The following PIEZO1 variants were observed in gnomAD, a reference collection of about 807,000 sequenced individuals.
PIEZO1 encodes the protein piezo-type mechanosensitive ion channel component 1.
In PIEZO1, 296 loss-of-function variants were observed where a neutral mutation model predicts 297.2. The ratio of observed to expected loss-of-function variants is 1.00; its 90% confidence interval spans 0.91 to 1.10. The LOEUF (loss-of-function observed/expected upper bound fraction) is 1.10, where lower values mean the gene tolerates loss of function less well. Among genes scored for constraint, PIEZO1 ranks in the 50% least tolerant of loss-of-function variants. The pLI is 0.00. For missense variants in PIEZO1, 5,018 were observed against 3,455.5 expected (o/e 1.45, Z -11.34); for synonymous variants, 2,427 against 1,507.5 (o/e 1.61, Z -14.13).
intron 22 of PIEZO1, among the ~76,000 whole-genome samples, chr16:88,730,809 C>T (rs1256907529): frequency 2.0e-5 from 3 of 152,192 alleles, no homozygotes; most frequent in Non-Finnish European, 2.9e-5. Context: ...CCAGGGTCTG[C>T]GGATGACAGA....
chr16:88,738,713 A>G lies in PIEZO1; in HGVS notation c.489T>C (p.Asp163=), dbSNP rs1905431172. ...RELDDDERDV[D]ASPTAGLQEA... ...CCTGCAGCCCTGCCGTCGGGCTGGCATCCACATCCCTCTCATCATCATCCT... is the reference window on the plus strand; with the variant it reads ...CCTGCAGCCCTGCCGTCGGGCTGGCGTCCACATCCCTCTCATCATCATCCT... Residue 163 remains aspartate, a synonymous_variant, in exon 6 of 51, where the codon GAT becomes GAC. Coordinates refer to ENST00000301015, the MANE Select transcript of PIEZO1 (RefSeq NM_001142864.4). 6.5e-7 allele frequency: 1 copy of G among 1,533,260 alleles called. No homozygotes were observed. The highest frequency in any genetic ancestry group is 1.4e-5 in the African/African-American group (1 of 73,096). 95.0% of individuals were successfully genotyped at this position (1,533,260 alleles called of 1,614,324 possible).
Position 88,726,638 on chromosome 16 carries a change from C to T in PIEZO1, c.3705G>A (p.Leu1235=), listed in dbSNP as rs1344013552. ...GCATCTGCTCCACGAAGACGCAGGC[C>T]AGGAGCTGGGGGAGAGCAGGGTCAG... is the stretch of plus-strand genomic sequence containing the variant. ...VIISKNMLSL[L]ACVFVEQMQT... Residue 1235 remains leucine (L), a synonymous_variant, in exon 26 of 51, where the codon CTG becomes CTA. Transcript: ENST00000301015. The T allele has an allele frequency of 7.0e-7, 1 of 1,432,592 alleles. No homozygotes were observed. The highest frequency in any genetic ancestry group is 9.4e-7 in the Non-Finnish European group (1 of 1,063,564). The allele number at this position is 1,432,592 out of a possible 1,614,324, so 88.7% of individuals were successfully genotyped here.
Position 88,715,690 on chromosome 16 carries a change from T to A in PIEZO1, c.7481A>T (p.Glu2494Val), listed in dbSNP as rs914014470. The change falls in exon 51 of 51, where the codon GAG becomes GTG. Residue 2494 changes from glutamate to valine, a missense_variant. Coordinates refer to ENST00000301015, the MANE Select transcript of PIEZO1 (RefSeq NM_001142864.4). ...IFLVRETREL[E>V]LEEELYAKLI... ...CTTGGCGTACAACTCCTCCTCCAGC[T>A]CCAGCTCCCGAGTCTCCCGCACCAG... is the stretch of plus-strand genomic sequence containing the variant. 3.9e-6 allele frequency: 6 copies of A among 1,550,242 alleles called. No individual in the cohort carries two copies. The highest frequency in any genetic ancestry group is 5.2e-6 in the Non-Finnish European group (6 of 1,146,962).
chr16:88,727,908 G>A (rs1452189409), intron 22 of PIEZO1: 2 of 332,422 alleles, frequency 6.0e-6, no homozygotes, highest in Non-Finnish European at 1.1e-5. Flanking sequence ...GCACGGGGGT[G>A]GGGGCTGCTG....
chr16:88,723,133 TC>T lies in PIEZO1; in HGVS notation c.4456del (p.Glu1486ArgfsTer23). 6.5e-7 allele frequency: 1 copy of T among 1,549,070 alleles called. No individual in the cohort carries two copies. Among genetic ancestry groups the T allele is most frequent in the East Asian group, 2.4e-5 (1 of 40,904 alleles). ...CTCGGGGCCCTCTGCTGGCTCCACC[TC>T]CTGGCTGGGACCACCTCCTGGGCAC... is the stretch of plus-strand genomic sequence containing the variant. Reference protein sequence around the residue: ...QLPTGGGPSQEVEPAEGPEEA... With the variant: ...QLPTGGGPSQXVEPAEGPEEA... On this transcript the variant is annotated frameshift_variant, in exon 33 of 51. Transcript: ENST00000301015. LOFTEE classifies it high-confidence loss of function.
intron 1 of PIEZO1, among the ~76,000 whole-genome samples, chr16:88,753,129 G>A (rs1376373050): frequency 1.6e-5 from 1 of 63,888 alleles, no homozygotes; most frequent in Non-Finnish European, 2.8e-5. Context: ...CTCACCCCCG[G>A]AGCACCCCTG....
chr16:88,773,695 G>A (rs1349115196), intron 1 of PIEZO1, among the ~76,000 whole-genome samples: 5 of 151,986 alleles, frequency 3.3e-5, no homozygotes, highest in African/African-American at 9.7e-5. Context: ...GTGACAGGCA[G>A]GTCGGGGGAG....
rs779750903 is a variant in PIEZO1 at position 88,722,881 on chromosome 16, C to T, written c.4624G>A (p.Val1542Met). Residue 1542 changes from valine to methionine, a missense_variant, in exon 34 of 51, where the codon GTG becomes ATG. Coordinates refer to ENST00000301015, the MANE Select transcript of PIEZO1 (RefSeq NM_001142864.4). Reference sequence around the variant, plus strand: ...AGGAGGTAGCGCTCTGCCCGCAGCACGTCGCTCATGGTGCCGTGGTGCCGG... The same window carrying T: ...AGGAGGTAGCGCTCTGCCCGCAGCATGTCGCTCATGGTGCCGTGGTGCCGG... ...FTRHHGTMSD[V>M]LRAERYLLTQ... is the part of the protein sequence containing the mutation. 22 of 1,548,650 alleles carry T rather than the reference C, an allele frequency of 1.4e-5. No homozygotes were observed. The highest frequency in any genetic ancestry group is 1.7e-4 in the Middle Eastern group (1 of 5,938).
Position 88,735,152 on chromosome 16 carries a change from ACCT to A in PIEZO1, c.1649_1651del (p.Glu550del). 3 of 1,550,026 alleles carry A rather than the reference ACCT, an allele frequency of 1.9e-6. No homozygotes were observed. The highest frequency in any genetic ancestry group is 2.6e-6 in the Non-Finnish European group (3 of 1,146,820). ...CCACTCACCTGTGTCTGCCACGGTG[ACCT>A]CCGTCAGCGCAGCTGGAGACTCTGC... On this transcript the variant is annotated inframe_deletion, in exon 13 of 51. Coordinates refer to ENST00000301015, the MANE Select transcript of PIEZO1 (RefSeq NM_001142864.4).
At chr16:88,761,517 T>C (rs1906930734) in intron 1 of PIEZO1, among the ~76,000 whole-genome samples, 1 of 152,138 alleles carries the variant, frequency 6.6e-6, no homozygotes, top group Admixed American at 6.5e-5. Flanking sequence ...ACCATGGCAA[T>C]GGTTGTGCTT....
intron 22 of PIEZO1, 52 bp downstream of exon 22, chr16:88,731,654 G>T: frequency 1.4e-6 from 2 of 1,419,858 alleles, no homozygotes; most frequent in Non-Finnish European, 1.9e-6. Context: ...CACCCCCACG[G>T]GCATCCACAA....
rs1271837723 is a variant in PIEZO1, at chr16:88,737,993, G to T, written c.961C>A (p.Leu321Met). 1 of 1,535,266 alleles carries T rather than the reference G, an allele frequency of 6.5e-7. No individual in the cohort carries two copies. The highest frequency in any genetic ancestry group is 1.4e-5 in the African/African-American group (1 of 73,178). ...PVYASPGVLL[L>M]LCYATASLRK... ...AGAGAGGCCGTGGCGTAGCACAGCA[G>T]CAGGAGGACGCCGGGGCTGGCATAC... The change falls in exon 8 of 51, where the codon CTG becomes ATG. Residue 321 changes from leucine (L) to methionine (M), a missense_variant. Physicochemically the swap from Leu to Met is conservative, Grantham distance 15. Coordinates refer to ENST00000301015, the MANE Select transcript of PIEZO1 (RefSeq NM_001142864.4).
chr16:88,755,597 C>T (rs1465379685), intron 1 of PIEZO1, among the ~76,000 whole-genome samples: 6 of 152,240 alleles, frequency 3.9e-5, no homozygotes, highest in South Asian at 2.1e-4. Context: ...AGTAAATAGG[C>T]GGGTACCAAC....
At position 88,736,301 on chromosome 16, in the gene PIEZO1, G is replaced by C; in HGVS notation, c.1404C>G (p.Pro468=). 22 of 1,550,234 alleles carry C rather than the reference G, an allele frequency of 1.4e-5. No individual in the cohort carries two copies. The highest frequency in any genetic ancestry group is 1.9e-5 in the Non-Finnish European group (22 of 1,146,858). The part of the protein sequence containing the change: ...SRHQLAMLCS[P]CILLYGMTLC... ...GCGTCATCCCATACAGCAGGATGCAGGGCGAGCACAGCATGGCCAGTTGGT... is the reference window on the plus strand; with the variant it reads ...GCGTCATCCCATACAGCAGGATGCACGGCGAGCACAGCATGGCCAGTTGGT... The change falls in exon 12 of 51, where the codon CCC becomes CCG. Residue 468 remains proline (P), a synonymous_variant. Transcript: ENST00000301015.
chr16:88,731,565 T>G, intron 22 of PIEZO1, 141 bp downstream of exon 22: 1 of 598,374 alleles, frequency 1.7e-6, no homozygotes, highest in Non-Finnish European at 2.9e-6. Context: ...CTGGGTAGGA[T>G]GTGGAGCAGA....
At chr16:88,743,255 C>T (rs554576318) in intron 2 of PIEZO1, 37 of 456,552 alleles carry the variant, frequency 8.1e-5, no homozygotes, top group South Asian at 5.3e-4. Context: ...CTGCTCTCGG[C>T]GCACATGTGG....
chr16:88,720,079 C>T lies in PIEZO1; in HGVS notation c.6154G>A (p.Val2052Ile), dbSNP rs564395221. Residue 2052 changes from valine (V) to isoleucine (I), a missense_variant, in exon 42 of 51, where the codon GTC (valine) becomes ATC (isoleucine). Transcript: ENST00000301015. Reference protein sequence around the residue: ...HLWMFFILPAVTERMFNQNVV... With the variant: ...HLWMFFILPAITERMFNQNVV... ...CACGCGTGGGCCCACCTCTCAGTGA[C>T]GGCGGGCAGGATGAAGAACATCCAT... 299 of 1,550,242 alleles carry T rather than the reference C, an allele frequency of 1.9e-4. No individual in the cohort carries two copies. Among genetic ancestry groups the T allele is most frequent in the Admixed American group, 8.4e-4 (43 of 51,006 alleles).
At chr16:88,745,666 T>C (rs905451209) in intron 2 of PIEZO1, 2 of 148,316 alleles carry the variant, frequency 1.3e-5, no homozygotes, top group Middle Eastern at 7.0e-3. Context: ...TCACTTTCAC[T>C]TAAACCCAGG....
rs1904294049 is a variant in PIEZO1, at chr16:88,723,076, C to G, written c.4495+19G>C. 1.9e-6 allele frequency: 3 copies of G among 1,546,644 alleles called. No individual in the cohort carries two copies. The highest frequency in any genetic ancestry group is 2.7e-5 in the African/African-American group (2 of 73,110). The stretch of plus-strand genomic sequence containing the variant: ...GGGCCAAGAGAGACCTCCCACTCCC[C>G]AGCCCCGGGCCCACGTACCTGCCGC... On this transcript the variant is annotated intron_variant, in intron 33 of 50. Transcript: ENST00000301015.
Sources: allele counts gnomAD v4.1 joint callset (sites outside exome capture counted in the v4.1 genomes callset), GRCh38; gene constraint gnomAD v4.1.1; transcripts MANE v1.5; gene names NCBI Gene and HGNC (gene_info 2026-07-23, HGNC 2026-07-21).